LYRM4: variants seen among roughly 807,000 people sequenced by gnomAD.
LYRM4 encodes the protein LYR motif-containing protein 4.
LYRM4 carries 9 observed loss-of-function variants against 11.7 expected under a neutral mutation model. The observed-to-expected ratio is 0.77, with a 90% CI of 0.46 to 1.34. The LOEUF is 1.34. Among genes scored for constraint, LYRM4 ranks in the 40% most tolerant of loss-of-function variants. The pLI, the probability that LYRM4 is intolerant of heterozygous loss-of-function variation, is 0.00. For missense variants in LYRM4, 133 were observed against 112.5 expected (o/e 1.18, Z -0.82); for synonymous variants, 42 against 40.4 (o/e 1.04, Z -0.15).
intron 1 of LYRM4, among the ~76,000 whole-genome samples, chr6:5,235,687 A>T (rs1035856927): frequency 1.3e-5 from 2 of 152,234 alleles, no homozygotes; most frequent in Non-Finnish European, 1.5e-5. Flanking sequence ...ACTCCTGCAC[A>T]AGATTAAGTA....
chr6:5,112,612 A>T (rs1762933945), intron 2 of LYRM4, among the ~76,000 whole-genome samples: 1 of 152,202 alleles, frequency 6.6e-6, no homozygotes, highest in Non-Finnish European at 1.5e-5. Context: ...AGACTTTCAG[A>T]TGTGATCAAT....
the LYRM4 span, chr6:5,086,815 G>A: frequency 5.7e-6 from 3 of 524,756 alleles, no homozygotes; most frequent in Admixed American, 1.1e-4. Flanking sequence ...CTTCCTACAA[G>A]GCCTCTAGAA....
the LYRM4 span, among the ~76,000 whole-genome samples, chr6:5,094,668 T>C: frequency 2.0e-5 from 3 of 152,222 alleles, no homozygotes; most frequent in Non-Finnish European, 2.9e-5. Context: ...GGTAATTCTA[T>C]CCTTGTGGCT....
chr6:5,165,025 TC>T (rs1758995345), intron 2 of LYRM4, among the ~76,000 whole-genome samples: 1 of 152,038 alleles, frequency 6.6e-6, no homozygotes, highest in Admixed American at 6.6e-5. Context: ...GTTATTATGT[TC>T]TACAGAAGCT....
intron 2 of LYRM4, among the ~76,000 whole-genome samples, chr6:5,170,624 G>A (rs756672515): frequency 2.8e-4 from 43 of 151,956 alleles, no homozygotes; most frequent in Non-Finnish European, 5.9e-4. Flanking sequence ...CCTCAGCCTC[G>A]CGACTTTCTT....
intron 2 of LYRM4, among the ~76,000 whole-genome samples, chr6:5,194,157 C>T (rs1344274037): frequency 6.6e-6 from 1 of 151,918 alleles, no homozygotes; most frequent in Non-Finnish European, 1.5e-5. Context: ...AAGTTTGCCA[C>T]TAATTAACAG....
intron 2 of LYRM4, among the ~76,000 whole-genome samples, chr6:5,172,039 G>A (rs1223690777): frequency 2.0e-5 from 3 of 152,116 alleles, no homozygotes; most frequent in East Asian, 1.9e-4. Context: ...GCTCTGGGTC[G>A]TGTCCTTTAG....
At position 5,108,582 on chromosome 6, in the gene LYRM4, G is replaced by A. The variant is rs1036564558; in HGVS notation, c.*841C>T. ...CAGAATCTGCAGAGAGGGAAGTGCT[G>A]AGAGATGTCTTTTTAAAAAGCTCTC... On this transcript the variant is annotated 3_prime_UTR_variant, in exon 3 of 3. Coordinates refer to ENST00000330636, the MANE Select transcript of LYRM4 (RefSeq NM_020408.6). 5.7e-6 allele frequency: 2 copies of A among 349,434 alleles called. No homozygotes were observed. Among genetic ancestry groups the A allele is most frequent in the Non-Finnish European group, 8.1e-6 (2 of 248,270 alleles). The allele number at this position is 349,434 out of a possible 1,614,324, so 21.6% of individuals were successfully genotyped here.
intron 1 of LYRM4, among the ~76,000 whole-genome samples, chr6:5,234,819 T>C (rs1029169058): frequency 2.6e-5 from 4 of 152,122 alleles, no homozygotes; most frequent in Non-Finnish European, 5.9e-5. Context: ...ATTACTAGAT[T>C]GAGGAAGAAG....
At chr6:5,088,024 T>C in the LYRM4 span, 1 of 152,228 alleles carries the variant, frequency 6.6e-6, no homozygotes, top group African/African-American at 2.4e-5. Context: ...GGGCCAAATT[T>C]GGCACACAGC....
chr6:5,057,669 C>T, the LYRM4 span, among the ~76,000 whole-genome samples: 3 of 150,384 alleles, frequency 2.0e-5, no homozygotes, highest in South Asian at 2.1e-4. Context: ...GACCCGAGAT[C>T]GCACCACAGC....
chr6:5,104,172 C>G (rs1351923515), downstream of LYRM4: 1 of 152,520 alleles, frequency 6.6e-6, no homozygotes, highest in Non-Finnish European at 1.5e-5. Context: ...CCTCCTCTTC[C>G]AATCGAACTT....
chr6:5,071,765 G>A, the LYRM4 span, among the ~76,000 whole-genome samples: 1 of 152,084 alleles, frequency 6.6e-6, no homozygotes, highest in Non-Finnish European at 1.5e-5. Context: ...AGCCTCCCCA[G>A]TAGATGGGAT....
At chr6:5,080,302 G>A in the LYRM4 span, among the ~76,000 whole-genome samples, 2 of 152,178 alleles carry the variant, frequency 1.3e-5, no homozygotes, top group African/African-American at 4.8e-5. Context: ...AATAAAAAGA[G>A]AAAAAAAGAC....
At chr6:5,096,831 T>C in the LYRM4 span, among the ~76,000 whole-genome samples, 4 of 152,232 alleles carry the variant, frequency 2.6e-5, no homozygotes, top group African/African-American at 7.2e-5. Context: ...AGTTTGGTTT[T>C]TGCTGATTTT....
At chr6:5,063,628 G>T in the LYRM4 span, among the ~76,000 whole-genome samples, 1 of 152,160 alleles carries the variant, frequency 6.6e-6, no homozygotes, top group Non-Finnish European at 1.5e-5. Flanking sequence ...GCTTGGCCTG[G>T]AGTGATGTTT....
chr6:5,118,116 T>TTTTG (rs756067871), intron 2 of LYRM4, among the ~76,000 whole-genome samples: 36,698 of 92,808 alleles, frequency 0.4, 5,647 homozygotes, highest in East Asian at 0.67. Flanking sequence ...TTTTGTTTTG[T>TTTTG]TTTTTTTTTT....
chr6:5,152,882 A>G (rs1044335136), intron 2 of LYRM4, among the ~76,000 whole-genome samples: 3 of 152,224 alleles, frequency 2.0e-5, no homozygotes, highest in Non-Finnish European at 4.4e-5. Context: ...TTGCTGCCAG[A>G]TGAGAAAGGC....
chr6:5,189,119 C>G (rs1043670799), intron 2 of LYRM4, among the ~76,000 whole-genome samples: 1 of 152,158 alleles, frequency 6.6e-6, no homozygotes, highest in African/African-American at 2.4e-5. Flanking sequence ...GCTGTTTTCC[C>G]GTACTGTATT....
Sources: allele counts gnomAD v4.1 joint callset (sites outside exome capture counted in the v4.1 genomes callset), GRCh38; gene constraint gnomAD v4.1.1; transcripts MANE v1.5; gene names NCBI Gene and HGNC (gene_info 2026-07-23, HGNC 2026-07-21).